PDE8B: variants seen among roughly 807,000 people sequenced by gnomAD.
PDE8B encodes the protein phosphodiesterase 8B.
Under a neutral mutation model 101.3 loss-of-function variants are expected in PDE8B, and 26 were observed. The ratio of observed to expected loss-of-function variants is 0.26; its 90% confidence interval spans 0.19 to 0.36. The LOEUF is 0.36. Among genes scored for constraint, PDE8B ranks in the 10% least tolerant of loss-of-function variants. The probability of loss-of-function intolerance (pLI) is 1.00; values close to 1 mark genes in which losing one functional copy is unlikely to be tolerated. For missense variants in PDE8B, 810 were observed against 1,163.1 expected, an observed-to-expected ratio of 0.70 and a Z score of 4.42; for synonymous variants, 424 against 429.3, an observed-to-expected ratio of 0.99 and a Z score of 0.15.
the PDE8B span, among the ~76,000 whole-genome samples, chr5:77,202,162 T>G: frequency 6.6e-6 from 1 of 152,234 alleles, no homozygotes; most frequent in African/African-American, 2.4e-5. Context: ...GAGGCCACAA[T>G]TCAGTACAGA....
chr5:77,194,467 T>C, the PDE8B span, among the ~76,000 whole-genome samples: 1 of 152,204 alleles, frequency 6.6e-6, no homozygotes, highest in East Asian at 1.9e-4. Context: ...TTTGTAACAA[T>C]TTTAAAGTGT....
Position 77,350,940 on chromosome 5 carries a change from C to T in PDE8B, c.1018-125C>T. 3 of 754,954 alleles carry T rather than the reference C, an allele frequency of 4.0e-6. No homozygotes were observed. The East Asian group carries it at 7.6e-5, about 19-fold the overall frequency. The allele number at this position is 754,954 out of a possible 1,614,324, so 46.8% of individuals were successfully genotyped here. On this transcript the variant is annotated intron_variant, in intron 8 of 21. Transcript: ENST00000264917. ...CAGCATTGCACTGGGTACAACAATA[C>T]AGCAGGCATTGGGAAATGTAACGAG... is the stretch of plus-strand genomic sequence containing the variant.
the PDE8B span, among the ~76,000 whole-genome samples, chr5:77,173,371 G>A: frequency 6.6e-6 from 1 of 152,132 alleles, no homozygotes; most frequent in Non-Finnish European, 1.5e-5. Flanking sequence ...TGATCTGCAT[G>A]GTCTATATTA....
the PDE8B span, among the ~76,000 whole-genome samples, chr5:77,192,351 C>G: frequency 1.3e-5 from 2 of 152,262 alleles, no homozygotes; most frequent in Non-Finnish European, 1.5e-5. Flanking sequence ...CCAGAGACCC[C>G]AAGTAACCAG....
At chr5:77,191,915 G>C in the PDE8B span, among the ~76,000 whole-genome samples, 162 of 152,276 alleles carry the variant, frequency 1.1e-3, no homozygotes, top group African/African-American at 3.6e-3. Flanking sequence ...GGGGTGATGG[G>C]AGACAGTGAC....
chr5:77,308,108 C>T (rs561515350), intron 1 of PDE8B, among the ~76,000 whole-genome samples: 3 of 152,282 alleles, frequency 2.0e-5, no homozygotes, highest in South Asian at 2.1e-4. Flanking sequence ...TGCAAACTGC[C>T]GTCTGTGAAT....
intron 1 of PDE8B, among the ~76,000 whole-genome samples, chr5:77,308,568 G>A (rs1383064832): frequency 1.3e-5 from 2 of 152,180 alleles, no homozygotes; most frequent in Non-Finnish European, 2.9e-5. Context: ...AATACTGGAT[G>A]GCAGGCAGAG....
intron 18 of PDE8B, among the ~76,000 whole-genome samples, chr5:77,419,334 A>G (rs921010515): frequency 6.6e-6 from 1 of 152,202 alleles, no homozygotes; most frequent in African/African-American, 2.4e-5. Context: ...AAGTCTTCCA[A>G]TGCCATCATT....
rs542542575 is a variant in PDE8B at position 77,300,535 on chromosome 5, C to T, written c.340-11459C>T. On this transcript the variant is annotated intron_variant, in intron 1 of 21. Coordinates refer to ENST00000264917, the MANE Select transcript of PDE8B (RefSeq NM_003719.5). ...AGACTGCTTCCTTTCATTGCTGCTGCGGTGCTTACCTCTCTAAATCTTCAA... is the reference window on the plus strand; with the variant it reads ...AGACTGCTTCCTTTCATTGCTGCTGTGGTGCTTACCTCTCTAAATCTTCAA... Among the ~76,000 whole-genome samples, 3 of 152,300 alleles carry T rather than the reference C, an allele frequency of 2.0e-5. No homozygotes were observed. In the South Asian group the frequency reaches 6.2e-4, roughly 32 times the overall value.
At position 77,264,171 on chromosome 5, in the gene PDE8B, T is replaced by G. The variant is rs528984759; in HGVS notation, c.340-47823T>G. ...CATTTAATGGACATACCTCATTTTATTTATCCACATTTGGGATATTTTCAA... is the reference window on the plus strand; with the variant it reads ...CATTTAATGGACATACCTCATTTTAGTTATCCACATTTGGGATATTTTCAA... On this transcript the variant is annotated intron_variant, in intron 1 of 21. Transcript: ENST00000264917. Among the ~76,000 whole-genome samples, 12 of 152,370 alleles carry G rather than the reference T, an allele frequency of 7.9e-5. No individual in the cohort carries two copies. In the East Asian group the frequency reaches 2.1e-3, roughly 27 times the overall value.
At chr5:77,097,785 C>T in the PDE8B span, among the ~76,000 whole-genome samples, 1 of 109,126 alleles carries the variant, frequency 9.2e-6, no homozygotes, top group African/African-American at 3.0e-5. Flanking sequence ...TCCCTTTCCA[C>T]CTGTTCCTCA....
chr5:77,211,276 G>T lies in PDE8B; in HGVS notation c.339+12G>T, dbSNP rs758398562. 21 of 1,548,780 alleles carry T rather than the reference G, an allele frequency of 1.4e-5. No homozygotes were observed. Among genetic ancestry groups the T allele is most frequent in the Non-Finnish European group, 1.7e-5 (20 of 1,155,184 alleles). Reference sequence around the variant, plus strand: ...ACACCAGCGTGAAGGTAAATGCCCCGCGCTGGCACACGCCGTGGGGGCCGT... The same window carrying T: ...ACACCAGCGTGAAGGTAAATGCCCCTCGCTGGCACACGCCGTGGGGGCCGT... On this transcript the variant is annotated intron_variant, in intron 1 of 21. Transcript: ENST00000264917. This position sits in a 1 kb window ranked among gnomAD's most constrained non-coding sequence, Gnocchi z 4.1.
chr5:77,128,158 C>T, the PDE8B span, among the ~76,000 whole-genome samples: 1 of 152,200 alleles, frequency 6.6e-6, no homozygotes, highest in South Asian at 2.1e-4. Flanking sequence ...ACCATAGTTA[C>T]CACTTGACCC....
the PDE8B span, among the ~76,000 whole-genome samples, chr5:77,170,931 T>A: frequency 2.0e-5 from 3 of 152,294 alleles, no homozygotes; most frequent in South Asian, 6.2e-4. Context: ...CAATAGTCCA[T>A]CAGGGTAAAC....
chr5:77,386,584 A>C (rs1788676189), intron 10 of PDE8B, among the ~76,000 whole-genome samples: 1 of 152,106 alleles, frequency 6.6e-6, no homozygotes, highest in Non-Finnish European at 1.5e-5. Flanking sequence ...GTTTTATCAG[A>C]GACTAGGATT....
At chr5:77,246,009 C>G (rs1350403801) in intron 1 of PDE8B, among the ~76,000 whole-genome samples, 1 of 151,824 alleles carries the variant, frequency 6.6e-6, no homozygotes, top group East Asian at 1.9e-4. Context: ...CACTACCACG[C>G]CCAGCTAACT....
intron 20 of PDE8B, among the ~76,000 whole-genome samples, chr5:77,422,414 T>TA (rs1369715417): frequency 6.6e-6 from 1 of 152,050 alleles, no homozygotes; most frequent in Non-Finnish European, 1.5e-5. Flanking sequence ...CACATGTTAG[T>TA]AAAAAATGAA....
At chr5:77,127,608 G>A in the PDE8B span, among the ~76,000 whole-genome samples, 1 of 152,050 alleles carries the variant, frequency 6.6e-6, no homozygotes, top group East Asian at 1.9e-4. Flanking sequence ...TTCCCCACCT[G>A]CTTGAGCCAA....
chr5:77,101,561 G>A, the PDE8B span, among the ~76,000 whole-genome samples: 2 of 151,980 alleles, frequency 1.3e-5, no homozygotes. Context: ...TATGTTAGAA[G>A]GATCTCTCCC....
Sources: gnomAD v4.1 joint callset for allele counts (sites outside exome capture counted in the v4.1 genomes callset) on GRCh38, gnomAD v4.1.1 for gene constraint, Gnocchi (gnomAD v3.1) non-coding constraint, MANE v1.5 for transcripts, NCBI Gene and HGNC (gene_info 2026-07-23, HGNC 2026-07-21) for gene names.